GRIA4: variants seen among roughly 807,000 people sequenced by gnomAD.
The protein encoded by GRIA4 is glutamate ionotropic receptor AMPA type subunit 4, also known as glutamate receptor 4.
GRIA4 carries 34 observed loss-of-function variants against 104.0 expected under a neutral mutation model. That is an observed-to-expected ratio of 0.33 (90% CI 0.25 to 0.44). GRIA4 has a LOEUF of 0.44. Among genes scored for constraint, GRIA4 ranks in the 20% least tolerant of loss-of-function variants. The pLI is 1.00. For synonymous variants in GRIA4, 386 were observed against 381.9 expected (o/e 1.01, Z -0.13); for missense variants, 750 against 1,096.5 (o/e 0.68, Z 4.46).
chr11:105,828,352 G>C (rs1415698505), intron 4 of GRIA4, among the ~76,000 whole-genome samples: 2 of 151,956 alleles, frequency 1.3e-5, no homozygotes, highest in African/African-American at 4.8e-5. Flanking sequence ...AAATGACATA[G>C]CCAAGCATGC....
intron 3 of GRIA4, among the ~76,000 whole-genome samples, chr11:105,633,010 A>G (rs1951077863): frequency 6.6e-6 from 1 of 152,188 alleles, no homozygotes; most frequent in Admixed American, 6.5e-5. Context: ...ACCAGGAAAT[A>G]CATATGAAAT....
At chr11:105,679,919 T>C (rs967907956) in intron 3 of GRIA4, among the ~76,000 whole-genome samples, 6 of 152,228 alleles carry the variant, frequency 3.9e-5, no homozygotes, top group African/African-American at 1.4e-4. Flanking sequence ...CTGGATTATG[T>C]TGTAGTCTCC....
chr11:105,849,246 T>C (rs1258297205), intron 4 of GRIA4, among the ~76,000 whole-genome samples: 1 of 152,166 alleles, frequency 6.6e-6, no homozygotes, highest in Non-Finnish European at 1.5e-5. Flanking sequence ...CCCTTTGATA[T>C]GTTGCACATG....
At chr11:105,726,616 C>T (rs1250774330) in intron 3 of GRIA4, among the ~76,000 whole-genome samples, 2 of 152,140 alleles carry the variant, frequency 1.3e-5, no homozygotes, top group Non-Finnish European at 2.9e-5. Flanking sequence ...GGTCAACAGA[C>T]ACCTCATACA....
chr11:105,617,231 T>A (rs995342707), intron 3 of GRIA4, among the ~76,000 whole-genome samples: 1 of 150,536 alleles, frequency 6.6e-6, no homozygotes, highest in Non-Finnish European at 1.5e-5. Flanking sequence ...ATATATTTTT[T>A]AAAACTATAT....
intron 3 of GRIA4, among the ~76,000 whole-genome samples, chr11:105,634,115 G>T (rs560644116): frequency 6.6e-6 from 1 of 152,028 alleles, no homozygotes. Flanking sequence ...TTGGGAGGCC[G>T]AGGTGGGCAG....
intron 3 of GRIA4, among the ~76,000 whole-genome samples, chr11:105,747,156 C>A (rs1312952499): frequency 6.6e-6 from 1 of 152,160 alleles, no homozygotes; most frequent in Admixed American, 6.6e-5. Context: ...GACACATGTA[C>A]ACACACAAAC....
At chr11:105,659,609 T>TG (rs1452848349) in intron 3 of GRIA4, among the ~76,000 whole-genome samples, 5 of 151,936 alleles carry the variant, frequency 3.3e-5, no homozygotes, top group Admixed American at 6.6e-5. Flanking sequence ...GTCCATACTG[T>TG]GTAAGCCACT....
rs192396271 is a variant in GRIA4, at chr11:105,709,953, C to A, written c.248-43028C>A. ...GCTGATGTACAAGTGGTTGATCTTG[C>A]CTTGTATTAACAACAGGATAAATTG... is the stretch of plus-strand genomic sequence containing the variant. On this transcript the variant is annotated intron_variant, in intron 3 of 16. Coordinates refer to ENST00000282499, the MANE Select transcript of GRIA4 (RefSeq NM_000829.4). Among the ~76,000 whole-genome samples, 451 of 152,136 alleles carry A rather than the reference C, an allele frequency of 3.0e-3. 7 individuals are homozygous for A. Among genetic ancestry groups the A allele is most frequent in the African/African-American group, 0.011 (443 of 41,510 alleles).
At chr11:105,904,115 T>G in intron 8 of GRIA4, 134 bp downstream of exon 8, 3 of 642,922 alleles carry the variant, frequency 4.7e-6, no homozygotes, top group Non-Finnish European at 7.9e-6. Flanking sequence ...CCATCATTTT[T>G]GGAACATTTC....
intron 3 of GRIA4, among the ~76,000 whole-genome samples, chr11:105,696,561 T>C (rs1953283967): frequency 1.3e-5 from 2 of 152,172 alleles, no homozygotes; most frequent in African/African-American, 4.8e-5. Flanking sequence ...TAAAATTTAA[T>C]AATAATAAGC....
intron 3 of GRIA4, among the ~76,000 whole-genome samples, chr11:105,718,441 T>C (rs1270173539): frequency 6.6e-6 from 1 of 152,232 alleles, no homozygotes; most frequent in Non-Finnish European, 1.5e-5. Flanking sequence ...GCTGTTGTGA[T>C]GCTTTGCGTA....
chr11:105,694,192 C>T (rs1026431892), intron 3 of GRIA4, among the ~76,000 whole-genome samples: 3 of 150,986 alleles, frequency 2.0e-5, no homozygotes, highest in Non-Finnish European at 4.4e-5. Context: ...CTCTGTCATT[C>T]AGGCTGGAGT....
chr11:105,715,194 A>T (rs1394243944), intron 3 of GRIA4, among the ~76,000 whole-genome samples: 1 of 152,230 alleles, frequency 6.6e-6, no homozygotes, highest in African/African-American at 2.4e-5. Context: ...GTTGCCAATC[A>T]TGACAATGGT....
chr11:105,843,741 C>T (rs537301490), intron 4 of GRIA4, among the ~76,000 whole-genome samples: 3 of 152,224 alleles, frequency 2.0e-5, no homozygotes, highest in South Asian at 2.1e-4. Context: ...CTGGGACGAT[C>T]GTATGTGACT....
intron 4 of GRIA4, among the ~76,000 whole-genome samples, chr11:105,815,058 G>A (rs1045396362): frequency 2.6e-5 from 4 of 152,108 alleles, no homozygotes; most frequent in African/African-American, 9.7e-5. Context: ...GAGTGGAAAT[G>A]CAGATAAGTT....
At chr11:105,650,788 C>T (rs1439140000) in intron 3 of GRIA4, among the ~76,000 whole-genome samples, 1 of 152,074 alleles carries the variant, frequency 6.6e-6, no homozygotes, top group Non-Finnish European at 1.5e-5. Context: ...TCACTTTAGA[C>T]TTTCAAATGA....
rs528939078 is a variant in GRIA4 at position 105,981,505 on chromosome 11, G to C, written c.*1766G>C. On this transcript the variant is annotated 3_prime_UTR_variant, in exon 17 of 17. Coordinates refer to ENST00000282499, the MANE Select transcript of GRIA4 (RefSeq NM_000829.4). ...TCCATCAACTCTCAAGATCCCATTC[G>C]CCATTCAATCTCTGTGCTGCAGTAA... is the stretch of plus-strand genomic sequence containing the variant. 23 of 150,552 alleles carry C rather than the reference G, an allele frequency of 1.5e-4. No homozygotes were observed. Among genetic ancestry groups the C allele is most frequent in the African/African-American group, 5.6e-4 (23 of 40,800 alleles). The allele number at this position is 150,552 out of a possible 1,614,324, so 9.3% of individuals were successfully genotyped here. A position where few individuals can be genotyped will look rare whatever the true frequency, so the allele number is the denominator to read the frequency against.
intron 6 of GRIA4, among the ~76,000 whole-genome samples, chr11:105,888,271 CTTTTTTTTTTTTTTTT>C (rs71469040): frequency 1.6e-3 from 86 of 54,588 alleles, no homozygotes; most frequent in African/African-American, 6.5e-3. Context: ...ATGTTTTCTC[CTTTTTTTTTTTTTTTT>C]TTTTTTTTTT....
Sources: allele counts gnomAD v4.1 joint callset (sites outside exome capture counted in the v4.1 genomes callset), GRCh38; gene constraint gnomAD v4.1.1; transcripts MANE v1.5; gene names NCBI Gene and HGNC (gene_info 2026-07-23, HGNC 2026-07-21).